P2RY14: variants seen among roughly 807,000 people sequenced by gnomAD.
The protein encoded by P2RY14 is P2Y purinoceptor 14.
In P2RY14, 2 loss-of-function variants were observed where a neutral mutation model predicts 0.9. The observed-to-expected ratio is 2.16, with a 90% confidence interval of 0.88 to 6.79. The LOEUF is 6.79. Ranked by LOEUF, P2RY14 falls within the 30% of genes most tolerant of loss-of-function variation. The pLI is 0.05. For missense variants in P2RY14, 378 were observed against 400.1 expected, an observed-to-expected ratio of 0.94 and a Z score of 0.47; for synonymous variants, 158 against 147.2, an observed-to-expected ratio of 1.07 and a Z score of -0.53.
intron 1 of P2RY14, among the ~76,000 whole-genome samples, chr3:151,231,587 T>TAA (rs202203582): frequency 6.6e-6 from 1 of 152,088 alleles, no homozygotes; most frequent in Admixed American, 6.5e-5. Flanking sequence ...TTGGACTCTT[T>TAA]AAAAAAATCA....
chr3:151,218,017 A>G (rs945660100), intron 2 of P2RY14, among the ~76,000 whole-genome samples: 1 of 152,184 alleles, frequency 6.6e-6, no homozygotes, highest in Non-Finnish European at 1.5e-5. Flanking sequence ...GACATGCATC[A>G]TTTGGACCTC....
intron 1 of P2RY14, among the ~76,000 whole-genome samples, chr3:151,270,713 A>G (rs1740784710): frequency 6.6e-6 from 1 of 152,194 alleles, no homozygotes; most frequent in Non-Finnish European, 1.5e-5. Flanking sequence ...TATTTTGACA[A>G]CATGGCTTCT....
intron 1 of P2RY14, among the ~76,000 whole-genome samples, chr3:151,276,360 TATA>T (rs1387759098): frequency 6.6e-6 from 1 of 152,244 alleles, no homozygotes; most frequent in Non-Finnish European, 1.5e-5. Context: ...CTTGTACTGA[TATA>T]ATTTTCAATT....
intron 1 of P2RY14, among the ~76,000 whole-genome samples, chr3:151,278,066 T>C (rs1742188206): frequency 1.3e-5 from 2 of 152,230 alleles, no homozygotes; most frequent in African/African-American, 4.8e-5. Context: ...TCCTAAATCA[T>C]AAATGATAAT....
At chr3:151,228,190 T>C (rs1730922771) in intron 1 of P2RY14, among the ~76,000 whole-genome samples, 4 of 152,216 alleles carry the variant, frequency 2.6e-5, no homozygotes, top group Admixed American at 2.6e-4. Context: ...AGCATAATGA[T>C]TACATGCATG....
intron 1 of P2RY14, among the ~76,000 whole-genome samples, chr3:151,229,432 G>A (rs780730672): frequency 3.0e-4 from 42 of 140,224 alleles, no homozygotes; most frequent in Admixed American, 4.3e-4. Flanking sequence ...TCAGCCTCCC[G>A]AGTAGCTGGG....
chr3:151,248,407 G>A (rs1736176495), intron 1 of P2RY14, among the ~76,000 whole-genome samples: 1 of 152,006 alleles, frequency 6.6e-6, no homozygotes, highest in African/African-American at 2.4e-5. Flanking sequence ...TAGAGTTTTA[G>A]CATTTTGTGC....
At position 151,213,292 on chromosome 3, in the gene P2RY14, G is replaced by T. The variant is rs1409640645; in HGVS notation, c.*8C>A. 3 of 1,587,512 alleles carry T rather than the reference G, an allele frequency of 1.9e-6. No individual in the cohort carries two copies. Among genetic ancestry groups the T allele is most frequent in the African/African-American group, 2.7e-5 (2 of 73,826 alleles). ...ACACGTGGTCTTTCTTTGGAAGAGG[G>T]TAGGAACTCACAAAGTATCTGTGCT... On this transcript the variant is annotated 3_prime_UTR_variant, in exon 3 of 3. Coordinates refer to ENST00000309170, the MANE Select transcript of P2RY14 (RefSeq NM_014879.4).
intron 1 of P2RY14, chr3:151,269,603 T>G: frequency 2.9e-6 from 1 of 345,142 alleles, no homozygotes; most frequent in South Asian, 2.7e-5. Flanking sequence ...GTGTCTACAT[T>G]ACTTGGGGAG....
intron 1 of P2RY14, among the ~76,000 whole-genome samples, chr3:151,259,991 G>A (rs1738556293): frequency 6.6e-6 from 1 of 152,158 alleles, no homozygotes; most frequent in Non-Finnish European, 1.5e-5. Flanking sequence ...ATACATAAAA[G>A]ATTGGTAGGC....
intron 1 of P2RY14, among the ~76,000 whole-genome samples, chr3:151,233,488 C>CT (rs1041255037): frequency 5.3e-5 from 8 of 152,212 alleles, no homozygotes; most frequent in African/African-American, 1.9e-4. Flanking sequence ...AATCCCAACA[C>CT]TTTGGGAGGC....
intron 1 of P2RY14, among the ~76,000 whole-genome samples, chr3:151,220,471 G>C (rs1490490046): frequency 6.6e-6 from 1 of 152,254 alleles, no homozygotes; most frequent in East Asian, 1.9e-4. Context: ...CACGTGATAT[G>C]GTTTGGCTCT....
intron 1 of P2RY14, among the ~76,000 whole-genome samples, chr3:151,269,220 C>T (rs1357536234): frequency 7.9e-5 from 12 of 152,074 alleles, no homozygotes; most frequent in Non-Finnish European, 5.9e-5. Flanking sequence ...GACCAACATG[C>T]AGAAACCCCA....
At chr3:151,248,415 T>G (rs1736178666) in intron 1 of P2RY14, among the ~76,000 whole-genome samples, 1 of 152,148 alleles carries the variant, frequency 6.6e-6, no homozygotes, top group Admixed American at 6.6e-5. Flanking sequence ...TAGCATTTTG[T>G]GCTTTTAAAC....
At position 151,213,330 on chromosome 3, in the gene P2RY14, A is replaced by G. The variant is rs376045118; in HGVS notation, c.987T>C (p.Asn329=). ...AAGTATCTGTGCTTTCAAGTGTTGT[A>G]TTTCCTCTTTTGATTCTGGAAATGT... ...DLDISRIKRG[N]TTLESTDTL is the part of the protein sequence containing the mutation. Residue 329 remains asparagine, a synonymous_variant, in exon 3 of 3, where the codon AAT becomes AAC. Transcript: ENST00000309170. 7.4e-6 allele frequency: 12 copies of G among 1,612,186 alleles called. No homozygotes were observed. The South Asian group carries it at 1.1e-4, about 15-fold the overall frequency.
At chr3:151,276,397 A>G (rs751161278) in intron 1 of P2RY14, among the ~76,000 whole-genome samples, 4 of 152,224 alleles carry the variant, frequency 2.6e-5, no homozygotes, top group Non-Finnish European at 5.9e-5. Flanking sequence ...CTTATTGTCC[A>G]TCATCCTCCA....
rs866116571 is a variant in P2RY14 at position 151,264,826 on chromosome 3, A to G, written c.-133+13461T>C. On this transcript the variant is annotated intron_variant, in intron 1 of 2. Transcript: ENST00000309170. ...CTTAGAAAACATCCAGAGTTTGGTC[A>G]TGGCCTGCATGGCTCTACATGACCA... Among the ~76,000 whole-genome samples, 4 of 152,270 alleles carry G rather than the reference A, an allele frequency of 2.6e-5. 1 individual carries two copies. Among genetic ancestry groups the G allele is most frequent in the South Asian group, 4.1e-4 (2 of 4,828 alleles).
chr3:151,273,565 T>C (rs1475655817), intron 1 of P2RY14, among the ~76,000 whole-genome samples: 3 of 152,128 alleles, frequency 2.0e-5, no homozygotes, highest in Non-Finnish European at 4.4e-5. Flanking sequence ...TGCCAATTAC[T>C]GTTCTGGGTA....
chr3:151,236,122 A>T (rs1321161287), intron 1 of P2RY14, among the ~76,000 whole-genome samples: 1 of 152,146 alleles, frequency 6.6e-6, no homozygotes, highest in Non-Finnish European at 1.5e-5. Flanking sequence ...TCTCTTGTTA[A>T]CGGCAAAATT....
Sources: gnomAD v4.1 joint callset for allele counts (sites outside exome capture counted in the v4.1 genomes callset) on GRCh38, gnomAD v4.1.1 for gene constraint, MANE v1.5 for transcripts, NCBI Gene and HGNC (gene_info 2026-07-23, HGNC 2026-07-21) for gene names.